ERI3: variants seen among roughly 807,000 people sequenced by gnomAD.
ERI3 encodes ERI1 exoribonuclease family member 3.
ERI3 carries 18 observed loss-of-function variants against 44.4 expected under a neutral mutation model. The ratio of observed to expected loss-of-function variants is 0.41; its 90% CI spans 0.28 to 0.60. The LOEUF (loss-of-function observed/expected upper bound fraction) is 0.60, where lower values mean the gene tolerates loss of function less well. Ranked by LOEUF, ERI3 falls within the 20% of genes least tolerant of loss-of-function variation. ERI3 has a pLI of 0.36. For missense variants in ERI3, 294 were observed against 435.5 expected, an observed-to-expected ratio of 0.68 and a Z score of 2.89; for synonymous variants, 183 against 164.8, an observed-to-expected ratio of 1.11 and a Z score of -0.84.
chr1:44,333,064 C>G (rs1003852746), intron 3 of ERI3, among the ~76,000 whole-genome samples: 1 of 152,220 alleles, frequency 6.6e-6, no homozygotes, highest in African/African-American at 2.4e-5. Context: ...TGTACAAGAA[C>G]ACTTACAGCT....
chr1:44,245,784 G>T (rs1418231063), intron 8 of ERI3, among the ~76,000 whole-genome samples: 1 of 152,160 alleles, frequency 6.6e-6, no homozygotes, highest in Non-Finnish European at 1.5e-5. Flanking sequence ...CACACCCTGG[G>T]ATAGATGATA....
At chr1:44,270,000 G>A (rs1001344094) in intron 7 of ERI3, among the ~76,000 whole-genome samples, 1 of 152,196 alleles carries the variant, frequency 6.6e-6, no homozygotes, top group African/African-American at 2.4e-5. Context: ...GGTGAAACCT[G>A]CCTTTGCAGA....
At chr1:44,352,457 GATAGATAA>G (rs1340133177) in intron 2 of ERI3, among the ~76,000 whole-genome samples, 37 of 89,184 alleles carry the variant, frequency 4.1e-4, no homozygotes, top group Admixed American at 3.6e-3. Flanking sequence ...TAGATAGATA[GATAGATAA>G]ATGTTTAAAG....
At chr1:44,338,995 C>G (rs763170272) in intron 3 of ERI3, 50 bp downstream of exon 3, 48 of 1,591,084 alleles carry the variant, frequency 3.0e-5, no homozygotes, top group Non-Finnish European at 3.9e-5. Flanking sequence ...ACTATCCTCC[C>G]TCCCTCCTTG....
At chr1:44,306,314 G>A (rs569080891) in intron 6 of ERI3, among the ~76,000 whole-genome samples, 3 of 152,256 alleles carry the variant, frequency 2.0e-5, no homozygotes, top group Non-Finnish European at 2.9e-5. Context: ...CTAGCTACAC[G>A]TCTTTAGCTC....
chr1:44,334,918 A>G (rs1646502265), intron 3 of ERI3, among the ~76,000 whole-genome samples: 1 of 152,208 alleles, frequency 6.6e-6, no homozygotes, highest in South Asian at 2.1e-4. Context: ...GAAATCAAAG[A>G]TAGATAAAAG....
rs184821806 is a variant in ERI3 at position 44,304,071 on chromosome 1, T to G, written c.758+4239A>C. On this transcript the variant is annotated intron_variant, in intron 6 of 8. Coordinates refer to ENST00000372257, the MANE Select transcript of ERI3 (RefSeq NM_024066.3). ...CTCAGTAGGTGGTGCCAGTCATTATTTGAGGGAATGATGGAGGACAGGGTG... is the reference window on the plus strand; with the variant it reads ...CTCAGTAGGTGGTGCCAGTCATTATGTGAGGGAATGATGGAGGACAGGGTG... Among the ~76,000 whole-genome samples, 34 of 152,148 alleles carry G rather than the reference T, an allele frequency of 2.2e-4. No homozygotes were observed. In the East Asian group the frequency reaches 5.8e-3, roughly 26 times the overall value.
intron 2 of ERI3, among the ~76,000 whole-genome samples, chr1:44,344,474 C>T (rs767330075): frequency 3.9e-5 from 6 of 152,040 alleles, no homozygotes; most frequent in Non-Finnish European, 7.4e-5. Context: ...TCAGAAGAGC[C>T]CCTACTCAAT....
At chr1:44,317,991 T>G (rs1308046014) in intron 4 of ERI3, among the ~76,000 whole-genome samples, 1 of 152,150 alleles carries the variant, frequency 6.6e-6, no homozygotes, top group Middle Eastern at 3.2e-3. Context: ...AGAACAGCCT[T>G]CATAATAAAG....
intron 8 of ERI3, among the ~76,000 whole-genome samples, chr1:44,245,038 A>C (rs1644525191): frequency 6.6e-6 from 1 of 152,066 alleles, no homozygotes; most frequent in Non-Finnish European, 1.5e-5. Flanking sequence ...GTTAATTAGC[A>C]CCATGTCACT....
chr1:44,265,057 A>G (rs1644963277), intron 7 of ERI3, among the ~76,000 whole-genome samples: 1 of 152,162 alleles, frequency 6.6e-6, no homozygotes, highest in Non-Finnish European at 1.5e-5. Flanking sequence ...TTGAGCCAGG[A>G]GGCCACCCAG....
At chr1:44,271,816 G>A (rs181735345) in intron 7 of ERI3, among the ~76,000 whole-genome samples, 2 of 152,324 alleles carry the variant, frequency 1.3e-5, no homozygotes, top group Admixed American at 1.3e-4. Flanking sequence ...ATGTGCCTCT[G>A]TACTCCATTG....
chr1:44,310,766 C>T (rs1479934081), intron 5 of ERI3, among the ~76,000 whole-genome samples: 1 of 152,080 alleles, frequency 6.6e-6, no homozygotes, highest in African/African-American at 2.4e-5. Flanking sequence ...GCTCTACCAA[C>T]CAGAATATCA....
intron 7 of ERI3, among the ~76,000 whole-genome samples, chr1:44,275,726 T>C (rs1256194207): frequency 1.3e-5 from 2 of 152,092 alleles, no homozygotes; most frequent in Non-Finnish European, 2.9e-5. Context: ...CCCTGATATA[T>C]CAGGGTCTGT....
At chr1:44,283,079 G>A (rs1242302844) in intron 7 of ERI3, among the ~76,000 whole-genome samples, 3 of 152,216 alleles carry the variant, frequency 2.0e-5, no homozygotes, top group Admixed American at 2.0e-4. Context: ...CGCCTGCCTC[G>A]CCTGGCCGGG....
intron 7 of ERI3, among the ~76,000 whole-genome samples, 173 bp from the exon 8 acceptor site, chr1:44,248,211 C>T (rs949659575): frequency 3.3e-5 from 5 of 152,114 alleles, no homozygotes; most frequent in Admixed American, 6.5e-5. Flanking sequence ...CAGAAACTCC[C>T]TTCCTTCTCC....
chr1:44,231,449 C>G (rs1401446627), intron 8 of ERI3, among the ~76,000 whole-genome samples: 1 of 152,182 alleles, frequency 6.6e-6, no homozygotes, highest in African/African-American at 2.4e-5. Flanking sequence ...TCATAGCTCA[C>G]CACAGTCTCG....
At chr1:44,306,614 A>G (rs1291603291) in intron 6 of ERI3, among the ~76,000 whole-genome samples, 1 of 152,190 alleles carries the variant, frequency 6.6e-6, no homozygotes, top group African/African-American at 2.4e-5. Context: ...TTCCCTCTCC[A>G]TCTCATGGGG....
chr1:44,306,694 C>T (rs1645841360), intron 6 of ERI3, among the ~76,000 whole-genome samples: 1 of 152,216 alleles, frequency 6.6e-6, no homozygotes, highest in Admixed American at 6.5e-5. Context: ...TATATGTACG[C>T]ATCGTGCACA....
Sources: gnomAD v4.1 joint callset for allele counts (sites outside exome capture counted in the v4.1 genomes callset) on GRCh38, gnomAD v4.1.1 for gene constraint, MANE v1.5 for transcripts, NCBI Gene and HGNC (gene_info 2026-07-23, HGNC 2026-07-21) for gene names.